Variants in COL21A1 observed in about 807,000 individuals in gnomAD.
The protein encoded by COL21A1 is collagen alpha-1(XXI) chain.
Under a neutral mutation model 137.9 loss-of-function variants are expected in COL21A1, and 149 were observed. The observed-to-expected ratio is 1.08, with a 90% CI of 0.95 to 1.24. The LOEUF (loss-of-function observed/expected upper bound fraction) is 1.24, where lower values mean the gene tolerates loss of function less well. Among genes scored for constraint, COL21A1 ranks in the 50% most tolerant of loss-of-function variants. The pLI, the probability that COL21A1 is intolerant of heterozygous loss-of-function variation, is 0.00. For missense variants in COL21A1, 1,167 were observed against 1,158.4 expected (o/e 1.01, Z -0.11); for synonymous variants, 456 against 391.5 (o/e 1.16, Z -1.95).
intron 17 of COL21A1, among the ~76,000 whole-genome samples, chr6:56,097,846 A>AATATATAAATATATAAAT: frequency 2.4e-5 from 1 of 42,320 alleles, no homozygotes; most frequent in South Asian, 6.2e-4. Flanking sequence ...TAAATATATA[A>AATATATAAATATATAAAT]ATATATATAA....
intron 3 of COL21A1, among the ~76,000 whole-genome samples, chr6:56,175,544 C>G (rs1436469344): frequency 2.0e-5 from 3 of 151,732 alleles, no homozygotes; most frequent in Non-Finnish European, 2.9e-5. Flanking sequence ...ATTTATAAAA[C>G]ATAAAAATAA....
chr6:56,086,302 G>C (rs1043419148), intron 17 of COL21A1, among the ~76,000 whole-genome samples: 15 of 152,162 alleles, frequency 9.9e-5, no homozygotes, highest in South Asian at 4.1e-4. Flanking sequence ...ACAGGGGTTA[G>C]TGGTGCCAAA....
intron 17 of COL21A1, among the ~76,000 whole-genome samples, chr6:56,096,377 T>C (rs551909744): frequency 6.6e-6 from 1 of 152,316 alleles, no homozygotes; most frequent in African/African-American, 2.4e-5. Flanking sequence ...AGACACTCAG[T>C]AAATACTGCT....
At chr6:56,084,561 T>A (rs1286714823) in intron 17 of COL21A1, among the ~76,000 whole-genome samples, 1 of 151,910 alleles carries the variant, frequency 6.6e-6, no homozygotes, top group Non-Finnish European at 1.5e-5. Context: ...AATAAATATA[T>A]GTAAGAAGTG....
At chr6:56,114,635 A>G (rs1228231899) in intron 16 of COL21A1, among the ~76,000 whole-genome samples, 3 of 151,638 alleles carry the variant, frequency 2.0e-5, no homozygotes, top group East Asian at 3.9e-4. Context: ...ACCATCTCAC[A>G]CCAGTTAGAA....
At chr6:56,361,602 T>A (rs1765966583) in intron 1 of COL21A1, among the ~76,000 whole-genome samples, 2 of 152,172 alleles carry the variant, frequency 1.3e-5, no homozygotes, top group Non-Finnish European at 2.9e-5. Context: ...ATAACTACAA[T>A]TTTGGTTTTA....
At chr6:56,378,043 C>CT (rs1202938234) in intron 1 of COL21A1, among the ~76,000 whole-genome samples, 1 of 152,094 alleles carries the variant, frequency 6.6e-6, no homozygotes, top group African/African-American at 2.4e-5. Context: ...CTAAAGAGCC[C>CT]TTGGGCCCCA....
chr6:56,091,827 T>G (rs1354205956), intron 17 of COL21A1, among the ~76,000 whole-genome samples: 1 of 152,196 alleles, frequency 6.6e-6, no homozygotes, highest in Non-Finnish European at 1.5e-5. Context: ...CATGATAACT[T>G]GGTCTAACAT....
intron 1 of COL21A1, among the ~76,000 whole-genome samples, chr6:56,340,967 C>T (rs939841612): frequency 3.3e-4 from 50 of 152,274 alleles, no homozygotes; most frequent in Non-Finnish European, 1.5e-5. Context: ...CTTATGCCTA[C>T]AGTACTAGGG....
chr6:56,157,004 A>G, intron 9 of COL21A1, 55 bp from the exon 10 acceptor site: 1 of 1,231,748 alleles, frequency 8.1e-7, no homozygotes, highest in South Asian at 1.3e-5. Flanking sequence ...ACATTGGTGC[A>G]GTCAGGATCA....
rs543136680 is a variant in COL21A1 at position 56,180,509 on chromosome 6, T to C, written c.89-380A>G. On this transcript the variant is annotated intron_variant, in intron 2 of 29. Transcript: ENST00000244728. ...TGAATAATGTCAGAGCATTAGCTTGTACTAACAATCTATGGTTAAAGGTAT... is the reference window on the plus strand; with the variant it reads ...TGAATAATGTCAGAGCATTAGCTTGCACTAACAATCTATGGTTAAAGGTAT... 2.6e-5 allele frequency among the ~76,000 whole-genome samples: 4 copies of C among 152,348 alleles called. No homozygotes were observed. In the East Asian group the frequency reaches 7.7e-4, roughly 29 times the overall value.
At chr6:56,118,253 A>G (rs1772121711) in intron 16 of COL21A1, among the ~76,000 whole-genome samples, 2 of 151,968 alleles carry the variant, frequency 1.3e-5, no homozygotes, top group South Asian at 2.1e-4. Flanking sequence ...AGGAGATATT[A>G]TAAATGATAC....
chr6:56,147,963 A>AG (rs113321306), intron 10 of COL21A1, among the ~76,000 whole-genome samples: 22,983 of 152,026 alleles, frequency 0.15, 1,769 homozygotes, highest in Middle Eastern at 0.22. Flanking sequence ...TTATACGCAA[A>AG]TTCAGTAAAC....
At chr6:56,194,231 A>G (rs73455336) in intron 1 of COL21A1, among the ~76,000 whole-genome samples, 1,573 of 152,342 alleles carry the variant, frequency 0.01, 24 homozygotes, top group African/African-American at 0.036. Context: ...CCCTGATGTT[A>G]TTATAATTTA....
At chr6:56,169,479 A>G (rs1776855959) in intron 5 of COL21A1, among the ~76,000 whole-genome samples, 1 of 151,934 alleles carries the variant, frequency 6.6e-6, no homozygotes, top group South Asian at 2.1e-4. Context: ...AAACCACATT[A>G]TATGGCTTTC....
intron 1 of COL21A1, among the ~76,000 whole-genome samples, chr6:56,209,097 T>G (rs1779985711): frequency 6.6e-6 from 1 of 151,950 alleles, no homozygotes; most frequent in South Asian, 2.1e-4. Flanking sequence ...GCAATACCAT[T>G]CAGGACATAG....
chr6:56,380,069 T>A (rs1471029119), intron 1 of COL21A1, among the ~76,000 whole-genome samples: 1 of 152,140 alleles, frequency 6.6e-6, no homozygotes, highest in African/African-American at 2.4e-5. Flanking sequence ...CTGGGGTAGA[T>A]CCCTCATGAA....
At chr6:56,233,406 A>T (rs1781708544) in intron 1 of COL21A1, among the ~76,000 whole-genome samples, 1 of 151,916 alleles carries the variant, frequency 6.6e-6, no homozygotes. Flanking sequence ...GGACTCAGTT[A>T]AATCTAATTG....
At chr6:56,252,910 T>C (rs565048215) in intron 1 of COL21A1, among the ~76,000 whole-genome samples, 1 of 152,306 alleles carries the variant, frequency 6.6e-6, no homozygotes, top group Admixed American at 6.5e-5. Flanking sequence ...GGGCCACCTC[T>C]ATCTCCTTTC....
Sources: gnomAD v4.1 joint callset for allele counts (sites outside exome capture counted in the v4.1 genomes callset) on GRCh38, gnomAD v4.1.1 for gene constraint, MANE v1.5 for transcripts, NCBI Gene and HGNC (gene_info 2026-07-23, HGNC 2026-07-21) for gene names.